Variants in OPN5 observed in about 807,000 individuals in gnomAD.
OPN5 encodes opsin 5.
A neutral mutation model predicts 41.7 loss-of-function variants in OPN5; 18 were observed. That is an observed-to-expected ratio of 0.43 (90% CI 0.30 to 0.64). OPN5 has a LOEUF of 0.64. Among genes scored for constraint, OPN5 ranks in the 30% least tolerant of loss-of-function variants. The pLI, the probability that OPN5 is intolerant of heterozygous loss-of-function variation, is 0.13. For missense variants in OPN5, 318 were observed against 434.5 expected, an observed-to-expected ratio of 0.73 and a Z score of 2.38; for synonymous variants, 178 against 164.3, an observed-to-expected ratio of 1.08 and a Z score of -0.64.
At chr6:47,795,816 T>C (rs1240369891) in intron 4 of OPN5, among the ~76,000 whole-genome samples, 2 of 150,904 alleles carry the variant, frequency 1.3e-5, no homozygotes, top group Non-Finnish European at 3.0e-5. Context: ...ACACACATTT[T>C]CAATATCTAC....
At chr6:47,823,928 C>G in intron 6 of OPN5, 55 bp from the exon 7 acceptor site, 1 of 1,394,392 alleles carries the variant, frequency 7.2e-7, no homozygotes, top group Admixed American at 2.0e-5. Flanking sequence ...TTTGGACTTT[C>G]TCCACTTACT....
chr6:47,792,080 G>T (rs1773392650), intron 3 of OPN5, 108 bp downstream of exon 3: 1 of 730,650 alleles, frequency 1.4e-6, no homozygotes, highest in Admixed American at 2.8e-5. Context: ...AATAACCTCA[G>T]AGATCAAGAA....
In OPN5 at chr6:47,788,168, G is replaced by A. The variant is rs190431282; in HGVS notation, c.250+1534G>A. 5.9e-5 allele frequency among the ~76,000 whole-genome samples: 9 copies of A among 152,306 alleles called. No homozygotes were observed. The East Asian group carries it at 1.2e-3, about 20-fold the overall frequency. Reference sequence around the variant, plus strand: ...CTGGTTTTGTGAAAATAAACAGGACGAACCCCAGGGGATTTGTGAGGCTGC... The same window carrying A: ...CTGGTTTTGTGAAAATAAACAGGACAAACCCCAGGGGATTTGTGAGGCTGC... On this transcript the variant is annotated intron_variant, in intron 2 of 6. Coordinates refer to ENST00000371211, the Ensembl canonical transcript of OPN5.
intron 6 of OPN5, among the ~76,000 whole-genome samples, chr6:47,821,759 C>A (rs1170975201): frequency 2.6e-5 from 4 of 152,078 alleles, no homozygotes; most frequent in Admixed American, 2.6e-4. Context: ...AATCATTGGG[C>A]CCCACTCACA....
At chr6:47,788,842 T>C (rs1327264769) in intron 2 of OPN5, among the ~76,000 whole-genome samples, 1 of 148,790 alleles carries the variant, frequency 6.7e-6, no homozygotes, top group African/African-American at 2.5e-5. Context: ...ATATGTATAA[T>C]GCCTGAACTC....
rs752022762 is a variant in OPN5, at chr6:47,824,019, C to G, written c.*28C>G. 7 of 1,541,472 alleles carry G rather than the reference C, an allele frequency of 4.5e-6. No homozygotes were observed. In the South Asian group the frequency reaches 8.4e-5, roughly 18 times the overall value. ...AATGTTCTGGTTGTGAAGAGTGCAT[C>G]TGAAGTGCTTACACGGCGTCTGGCA... On this transcript the variant is annotated 3_prime_UTR_variant, in exon 7 of 7. Coordinates refer to ENST00000371211, the Ensembl canonical transcript of OPN5.
At chr6:47,814,795 AG>A (rs1397481672) in intron 6 of OPN5, among the ~76,000 whole-genome samples, 1 of 152,080 alleles carries the variant, frequency 6.6e-6, no homozygotes, top group Non-Finnish European at 1.5e-5. Flanking sequence ...TATGTCTGGG[AG>A]GGTTATGAGA....
chr6:47,814,481 A>G (rs1033372651), intron 6 of OPN5, among the ~76,000 whole-genome samples: 4 of 152,184 alleles, frequency 2.6e-5, no homozygotes. Context: ...CCTAGAGTTA[A>G]TATCTGTTAT....
chr6:47,791,460 C>T (rs778123667), intron 2 of OPN5, among the ~76,000 whole-genome samples: 1 of 152,182 alleles, frequency 6.6e-6, no homozygotes, highest in Non-Finnish European at 1.5e-5. Flanking sequence ...GTGACCAGAT[C>T]GTTGTCACTG....
chr6:47,785,024 C>T (rs1773162541), intron 1 of OPN5, among the ~76,000 whole-genome samples: 1 of 152,006 alleles, frequency 6.6e-6, no homozygotes, highest in African/African-American at 2.4e-5. Context: ...ATGCTTTGGG[C>T]ACTGGGTGAA....
intron 4 of OPN5, among the ~76,000 whole-genome samples, chr6:47,806,580 A>G (rs1392717916): frequency 6.6e-6 from 1 of 152,130 alleles, no homozygotes; most frequent in Non-Finnish European, 1.5e-5. Context: ...TTTCTACGCC[A>G]TTTTACTCTA....
rs368530066 is a variant in OPN5 at position 47,791,759 on chromosome 6, G to A, written c.251-43G>A. 3.1e-6 allele frequency: 5 copies of A among 1,592,386 alleles called. No individual in the cohort carries two copies. The African/African-American group carries it at 4.0e-5, about 13-fold the overall frequency. On this transcript the variant is annotated intron_variant, in intron 2 of 6. Transcript: ENST00000371211. Reference sequence around the variant, plus strand: ...GTGAGTTGAGGTAGGTGGGGAAATAGTAACCAGAGGAACGTCTGTTGACAA... The same window carrying A: ...GTGAGTTGAGGTAGGTGGGGAAATAATAACCAGAGGAACGTCTGTTGACAA...
intron 1 of OPN5, among the ~76,000 whole-genome samples, chr6:47,785,130 A>T (rs1243198734): frequency 6.6e-6 from 1 of 152,224 alleles, no homozygotes; most frequent in Non-Finnish European, 1.5e-5. Context: ...AAGGTGTTTC[A>T]ATGAGCCTTG....
At chr6:47,785,146 C>G (rs934277631) in intron 1 of OPN5, among the ~76,000 whole-genome samples, 32 of 152,122 alleles carry the variant, frequency 2.1e-4, no homozygotes, top group Admixed American at 1.0e-3. Context: ...CCTTGTGTAT[C>G]AAACGAAAAT....
intron 6 of OPN5, among the ~76,000 whole-genome samples, chr6:47,812,234 A>G (rs1762267732): frequency 6.6e-6 from 1 of 152,092 alleles, no homozygotes; most frequent in South Asian, 2.1e-4. Flanking sequence ...CAGTGATTCC[A>G]CAAAGGAGTC....
At chr6:47,813,113 C>G (rs199923027) in intron 6 of OPN5, among the ~76,000 whole-genome samples, 17 of 114,574 alleles carry the variant, frequency 1.5e-4, no homozygotes, top group South Asian at 8.2e-4. Flanking sequence ...ACAACAACAA[C>G]AAGCAACAAC....
intron 4 of OPN5, among the ~76,000 whole-genome samples, chr6:47,805,602 A>C (rs1204081968): frequency 6.6e-6 from 1 of 152,100 alleles, no homozygotes; most frequent in East Asian, 1.9e-4. Flanking sequence ...AGGCTGTTCC[A>C]CAGGTCAAGT....
At chr6:47,819,336 A>AATTTATAT (rs1762524598) in intron 6 of OPN5, among the ~76,000 whole-genome samples, 1 of 24,328 alleles carries the variant, frequency 4.1e-5, no homozygotes, top group Non-Finnish European at 8.1e-5. Context: ...GAAAATTAGG[A>AATTTATAT]ATATATATAT....
intron 6 of OPN5, among the ~76,000 whole-genome samples, chr6:47,819,353 A>ATATATATATATATAT (rs1491208722): frequency 2.4e-5 from 2 of 84,864 alleles, no homozygotes; most frequent in African/African-American, 7.5e-5. Context: ...ATATATATAT[A>ATATATATATATATAT]AAAAATATAT....
Sources: allele counts gnomAD v4.1 joint callset (sites outside exome capture counted in the v4.1 genomes callset), GRCh38; gene constraint gnomAD v4.1.1; transcripts MANE v1.5; gene names NCBI Gene and HGNC (gene_info 2026-07-23, HGNC 2026-07-21).